The following SLC2A14 variants were observed in gnomAD, a reference collection of about 807,000 sequenced individuals.
SLC2A14 encodes the protein solute carrier family 2 member 14.
Under a neutral mutation model 43.0 loss-of-function variants are expected in SLC2A14, and 13 were observed. That is an observed-to-expected ratio of 0.30 (90% CI 0.20 to 0.48). SLC2A14 has a LOEUF of 0.48. Ranked by LOEUF, SLC2A14 falls within the 20% of genes least tolerant of loss-of-function variation. The pLI is 0.99. For synonymous variants in SLC2A14, 190 were observed against 233.8 expected, an observed-to-expected ratio of 0.81 and a Z score of 1.71; for missense variants, 428 against 620.4, an observed-to-expected ratio of 0.69 and a Z score of 3.29.
At chr12:7,867,947 G>A (rs1258773240) in intron 2 of SLC2A14, among the ~76,000 whole-genome samples, 1 of 148,172 alleles carries the variant, frequency 6.7e-6, no homozygotes, top group Non-Finnish European at 1.5e-5. Context: ...CAAATATTAC[G>A]TAAATTTAGT....
chr12:7,814,637 C>T, intron 10 of SLC2A14, 103 bp from the exon 11 acceptor site: 1 of 1,209,086 alleles, frequency 8.3e-7, no homozygotes, highest in Admixed American at 2.8e-5. Flanking sequence ...AAGCTATAAC[C>T]CTTCCATATT....
upstream of SLC2A14, among the ~76,000 whole-genome samples, chr12:7,875,642 G>A (rs1945451366): frequency 2.0e-5 from 3 of 152,084 alleles, no homozygotes; most frequent in South Asian, 4.1e-4. Flanking sequence ...TAGGTAATAA[G>A]AGTGGTGTCT....
chr12:7,857,198 C>T (rs765655708), intron 2 of SLC2A14, among the ~76,000 whole-genome samples: 3 of 151,908 alleles, frequency 2.0e-5, no homozygotes, highest in South Asian at 2.1e-4. Flanking sequence ...TGCAGTGAGC[C>T]GAAATCTTGC....
intron 2 of SLC2A14, among the ~76,000 whole-genome samples, chr12:7,855,933 C>T (rs963332458): frequency 6.6e-6 from 1 of 152,112 alleles, no homozygotes; most frequent in Non-Finnish European, 1.5e-5. Context: ...CCGCGCCTGG[C>T]TTACAAAAGC....
intron 4 of SLC2A14, 117 bp from the exon 5 acceptor site, chr12:7,830,123 T>A: frequency 7.5e-7 from 1 of 1,337,918 alleles, no homozygotes; most frequent in South Asian, 1.5e-5. Flanking sequence ...TTTTTTGGTC[T>A]AACTTTTCTT....
rs1207176098 is a variant in SLC2A14 at position 7,821,163 on chromosome 12, G to A, written c.969+58C>T. The A allele has an allele frequency of 3.1e-6, 4 of 1,307,594 alleles. No homozygotes were observed. The Admixed American group carries it at 7.0e-5, about 23-fold the overall frequency. The allele number at this position is 1,307,594 out of a possible 1,614,324, so 81.0% of individuals were successfully genotyped here. On this transcript the variant is annotated intron_variant, in intron 8 of 10. Coordinates refer to ENST00000431042, the MANE Select transcript of SLC2A14 (RefSeq NM_001286234.2). ...CGGTGGAGCCATGCAATCCATCTTT[G>A]AACATCTGTAGCAAGGATTCATTTC... is the stretch of plus-strand genomic sequence containing the variant.
In SLC2A14 at chr12:7,812,527, G is replaced by C. The variant is rs1384686093; in HGVS notation, c.*1789C>G. The C allele has an allele frequency of 1.3e-5, 2 of 152,096 alleles. No individual in the cohort carries two copies. Among genetic ancestry groups the C allele is most frequent in the Non-Finnish European group, 2.9e-5 (2 of 68,020 alleles). The allele number at this position is 152,096 out of a possible 1,614,324, so 9.4% of individuals were successfully genotyped here. A position where few individuals can be genotyped will look rare whatever the true frequency, so the allele number is the denominator to read the frequency against. On this transcript the variant is annotated 3_prime_UTR_variant, in exon 11 of 11. Coordinates refer to ENST00000431042, the MANE Select transcript of SLC2A14 (RefSeq NM_001286234.2). ...GTGCTTGTGATGTCATGTACATTCA[G>C]AATTTTTATTTTAAAACAAAGAATC...
At chr12:7,887,300 G>A (rs1945703382) in intron 1 of SLC2A14, among the ~76,000 whole-genome samples, 1 of 151,520 alleles carries the variant, frequency 6.6e-6, no homozygotes, top group Admixed American at 6.6e-5. Context: ...GGTTTCAATG[G>A]TAGGCTGTCA....
intron 2 of SLC2A14, among the ~76,000 whole-genome samples, chr12:7,853,655 A>G (rs1037081593): frequency 9.9e-5 from 15 of 152,070 alleles, no homozygotes; most frequent in Non-Finnish European, 1.6e-4. Context: ...ATATTTCTGA[A>G]AGAATGGCAA....
At chr12:7,891,078 T>C in exon 1 of SLC2A14, 2 of 1,535,114 alleles carry the variant, frequency 1.3e-6, no homozygotes, top group South Asian at 1.2e-5. Flanking sequence ...TTCATCTCCT[T>C]GTTTCACACC....
At position 7,869,866 on chromosome 12, in the gene SLC2A14, C is replaced by T; in HGVS notation, c.15G>A (p.Gln5=). The T allele has an allele frequency of 2.6e-6, 4 of 1,513,348 alleles. No individual in the cohort carries two copies. Among genetic ancestry groups the T allele is most frequent in the Non-Finnish European group, 3.6e-6 (4 of 1,126,486 alleles). 93.7% of individuals were successfully genotyped at this position (1,513,348 alleles called of 1,614,324 possible). ...TGACATCAGTTTTAATACTCACATT[C>T]TGTCTGTTGTCCATCTCTCTGCTAT... MDNR[Q]NVTPALIFAI... is the part of the protein sequence containing the mutation. Residue 5 remains glutamine, a synonymous_variant, in exon 2 of 11, where the codon CAG becomes CAA. Coordinates refer to ENST00000431042, the MANE Select transcript of SLC2A14 (RefSeq NM_001286234.2).
chr12:7,865,237 T>C (rs1944841482), intron 2 of SLC2A14, among the ~76,000 whole-genome samples: 1 of 152,044 alleles, frequency 6.6e-6, no homozygotes, highest in African/African-American at 2.4e-5. Flanking sequence ...ACAATGAATA[T>C]ACAAAAATTA....
intron 2 of SLC2A14, among the ~76,000 whole-genome samples, chr12:7,855,589 C>T (rs892612574): frequency 2.0e-5 from 3 of 152,088 alleles, no homozygotes; most frequent in East Asian, 1.9e-4. Flanking sequence ...TTACCCGAAA[C>T]GTTTACACAT....
At chr12:7,836,990 A>G (rs1163984455) in intron 2 of SLC2A14, among the ~76,000 whole-genome samples, 1 of 151,602 alleles carries the variant, frequency 6.6e-6, no homozygotes, top group East Asian at 2.0e-4. Context: ...AATATAGTGA[A>G]ACCCCATCTC....
chr12:7,824,071 C>G (rs1452044342), intron 7 of SLC2A14, among the ~76,000 whole-genome samples: 1 of 152,064 alleles, frequency 6.6e-6, no homozygotes, highest in Admixed American at 6.6e-5. Context: ...GGCTGACCAA[C>G]AAGGTGAAAC....
At chr12:7,860,035 C>T (rs763251096) in intron 2 of SLC2A14, among the ~76,000 whole-genome samples, 1 of 152,256 alleles carries the variant, frequency 6.6e-6, no homozygotes, top group South Asian at 2.1e-4. Context: ...TTTGCAAATC[C>T]GCCTCCAGAG....
chr12:7,824,950 C>A (rs1156896105), intron 7 of SLC2A14, among the ~76,000 whole-genome samples: 1 of 151,860 alleles, frequency 6.6e-6, no homozygotes, highest in African/African-American at 2.4e-5. Flanking sequence ...CAGCCTCAGC[C>A]TCCCACAGTG....
intron 2 of SLC2A14, among the ~76,000 whole-genome samples, chr12:7,834,298 A>G (rs1865264730): frequency 6.6e-6 from 1 of 151,714 alleles, no homozygotes; most frequent in Non-Finnish European, 1.5e-5. Flanking sequence ...GCTGGTCTCA[A>G]ACTCCCAGCC....
chr12:7,840,951 C>G (rs1220075748), intron 2 of SLC2A14, among the ~76,000 whole-genome samples: 1 of 151,168 alleles, frequency 6.6e-6, no homozygotes, highest in Non-Finnish European at 1.5e-5. Flanking sequence ...TTTAGATGCG[C>G]TAAGTCGGCG....
Sources: gnomAD v4.1 joint callset for allele counts (sites outside exome capture counted in the v4.1 genomes callset) on GRCh38, gnomAD v4.1.1 for gene constraint, MANE v1.5 for transcripts, NCBI Gene and HGNC (gene_info 2026-07-23, HGNC 2026-07-21) for gene names.